Variants in COL22A1 observed in about 807,000 individuals in gnomAD.
COL22A1 encodes collagen alpha-1(XXII) chain.
A neutral mutation model predicts 248.9 loss-of-function variants in COL22A1; 221 were observed. The ratio of observed to expected loss-of-function variants is 0.89; its 90% confidence interval spans 0.80 to 0.99. The LOEUF (loss-of-function observed/expected upper bound fraction) is 0.99. Among genes scored for constraint, COL22A1 ranks in the 50% least tolerant of loss-of-function variants. The pLI, the probability that COL22A1 is intolerant of heterozygous loss-of-function variation, is 0.00. For missense variants in COL22A1, 2,240 were observed against 2,179.0 expected, an observed-to-expected ratio of 1.03 and a Z score of -0.56; for synonymous variants, 891 against 793.4, an observed-to-expected ratio of 1.12 and a Z score of -2.07.
chr8:138,602,039 G>C, intron 60 of COL22A1, 76 bp downstream of exon 60: 1 of 1,528,504 alleles, frequency 6.5e-7, no homozygotes, highest in South Asian at 1.1e-5. Context: ...TTGGACAAAG[G>C]CCAGGCTCAA....
At chr8:138,633,231 C>T (rs761930258) in intron 49 of COL22A1, among the ~76,000 whole-genome samples, 2 of 152,202 alleles carry the variant, frequency 1.3e-5, no homozygotes, top group African/African-American at 4.8e-5. Context: ...TTCTCACAGG[C>T]TATTAACAGT....
intron 3 of COL22A1, among the ~76,000 whole-genome samples, chr8:138,873,598 A>G (rs1823505016): frequency 6.6e-6 from 1 of 152,194 alleles, no homozygotes; most frequent in South Asian, 2.1e-4. Context: ...ATATAAAATT[A>G]CACATTCCGT....
intron 32 of COL22A1, among the ~76,000 whole-genome samples, chr8:138,699,525 G>T (rs950294675): frequency 2.0e-4 from 30 of 152,198 alleles, no homozygotes; most frequent in African/African-American, 6.8e-4. Flanking sequence ...ATTTTCTGAA[G>T]AGCCATTCGT....
At chr8:138,670,359 G>C (rs1014709940) in intron 41 of COL22A1, among the ~76,000 whole-genome samples, 7 of 152,188 alleles carry the variant, frequency 4.6e-5, no homozygotes, top group African/African-American at 1.4e-4. Context: ...GGCAGGGCAA[G>C]AGTGGATCTC....
intron 23 of COL22A1, among the ~76,000 whole-genome samples, chr8:138,731,657 AGAGAGAGT>A (rs1450133470): frequency 6.6e-6 from 1 of 151,678 alleles, no homozygotes; most frequent in African/African-American, 2.4e-5. Context: ...TGAGAGAGAG[AGAGAGAGT>A]GAGTTCTGGG....
chr8:138,832,036 C>T (rs1454762189), intron 5 of COL22A1, among the ~76,000 whole-genome samples: 6 of 152,138 alleles, frequency 3.9e-5, no homozygotes, highest in Admixed American at 6.5e-5. Context: ...GGCCAAAACC[C>T]ACCAAAACCA....
rs546920353 is a variant in COL22A1, at chr8:138,603,858, G to T, written c.4140+876C>A. ...GTAAAAATGCGTCTTCCTCATTCAA[G>T]GGGGAGAATGCAGGCCTTGAAACGG... On this transcript the variant is annotated intron_variant, in intron 59 of 64. Transcript: ENST00000303045. Among the ~76,000 whole-genome samples the T allele has an allele frequency of 2.8e-4, 43 of 152,272 alleles. No homozygotes were observed. The South Asian group carries it at 8.9e-3, about 32-fold the overall frequency.
At chr8:138,636,480 A>AGAAAGGAAAGGAAAGGAAAG (rs758849864) in intron 48 of COL22A1, among the ~76,000 whole-genome samples, 753 of 46,536 alleles carry the variant, frequency 0.016, 62 homozygotes, top group African/African-American at 0.03. Context: ...AAGAGAAGGA[A>AGAAAGGAAAGGAAAGGAAAG]GAAAGGAAAG....
rs781381776 is a variant in COL22A1, at chr8:138,649,702, G to A, written c.3410C>T (p.Pro1137Leu). 17 of 1,613,316 alleles carry A rather than the reference G, an allele frequency of 1.1e-5. No individual in the cohort carries two copies. In the African/African-American group the frequency reaches 1.3e-4, roughly 13 times the overall value. The change falls in exon 46 of 65, where the codon CCA (proline) becomes CTA (leucine). Residue 1137 changes from proline to leucine, a missense_variant. Physicochemically the swap from Pro to Leu is moderately conservative, Grantham distance 98 (BLOSUM62 -3). Transcript: ENST00000303045. Reference sequence around the variant, plus strand: ...TGTGCCTTCTCTCCCTGGCTTTCCTGGGACACCTTTGTCCCCTTTAAAACC... The same window carrying A: ...TGTGCCTTCTCTCCCTGGCTTTCCTAGGACACCTTTGTCCCCTTTAAAACC... ...LPGFKGDKGV[P>L]GKPGREGTEG... is the part of the protein sequence containing the mutation.
intron 1 of COL22A1, among the ~76,000 whole-genome samples, chr8:138,902,290 A>G (rs1483468870): frequency 6.6e-6 from 1 of 152,128 alleles, no homozygotes; most frequent in African/African-American, 2.4e-5. Context: ...CCTCCAGAAA[A>G]AGAGAGAGGA....
chr8:138,608,908 G>T (rs1374720277), intron 56 of COL22A1, among the ~76,000 whole-genome samples: 3 of 152,302 alleles, frequency 2.0e-5, no homozygotes, highest in Admixed American at 6.5e-5. Flanking sequence ...CAGCCTAGGA[G>T]GAGAGAGCCT....
intron 62 of COL22A1, 124 bp from the exon 63 acceptor site, chr8:138,594,323 G>C: frequency 1.3e-6 from 1 of 741,280 alleles, no homozygotes; most frequent in Non-Finnish European, 2.1e-6. Context: ...ACATAGGACA[G>C]GATGGCTACT....
intron 16 of COL22A1, among the ~76,000 whole-genome samples, chr8:138,774,415 CTTT>C (rs142280789): frequency 4.7e-5 from 6 of 128,074 alleles, no homozygotes; most frequent in Admixed American, 1.6e-4. Context: ...CAAAAGCATT[CTTT>C]TTTTTTTTTT....
intron 15 of COL22A1, among the ~76,000 whole-genome samples, chr8:138,777,048 C>A (rs1481289748): frequency 6.6e-6 from 1 of 152,186 alleles, no homozygotes; most frequent in East Asian, 1.9e-4. Context: ...GCAGGCCAGG[C>A]AATGGCGCAG....
At chr8:138,832,994 C>A in intron 5 of COL22A1, 45 bp downstream of exon 5, 1 of 1,345,202 alleles carries the variant, frequency 7.4e-7, no homozygotes, top group South Asian at 1.2e-5. Context: ...CTTGCCCTTT[C>A]CCATGACACC....
chr8:138,861,189 G>A (rs1822428101), intron 3 of COL22A1, among the ~76,000 whole-genome samples: 1 of 152,192 alleles, frequency 6.6e-6, no homozygotes, highest in African/African-American at 2.4e-5. Context: ...CACTCCTGCT[G>A]GGACAGGGGC....
At chr8:138,624,469 G>C (rs1172604186) in intron 51 of COL22A1, among the ~76,000 whole-genome samples, 1 of 152,152 alleles carries the variant, frequency 6.6e-6, no homozygotes, top group Non-Finnish European at 1.5e-5. Context: ...TGGAAGGAAA[G>C]AAAGGAGGAG....
intron 30 of COL22A1, among the ~76,000 whole-genome samples, chr8:138,704,764 T>G (rs1828271102): frequency 6.6e-6 from 1 of 152,214 alleles, no homozygotes; most frequent in South Asian, 2.1e-4. Context: ...GGAACAAAGC[T>G]GGATTGAGAA....
intron 16 of COL22A1, among the ~76,000 whole-genome samples, chr8:138,765,789 A>G (rs1002538189): frequency 6.6e-6 from 1 of 152,116 alleles, no homozygotes; most frequent in Admixed American, 6.5e-5. Context: ...CCAGAGAGAG[A>G]AAGAGTGAAG....
Sources: allele counts gnomAD v4.1 joint callset (sites outside exome capture counted in the v4.1 genomes callset), GRCh38; gene constraint gnomAD v4.1.1; transcripts MANE v1.5; gene names NCBI Gene and HGNC (gene_info 2026-07-23, HGNC 2026-07-21).